KHDRBS3: variants seen among roughly 807,000 people sequenced by gnomAD.
The protein encoded by KHDRBS3 is KH RNA binding domain containing, signal transduction associated 3, also known as KH domain-containing, RNA-binding, signal transduction-associated protein 3.
In KHDRBS3, 23 loss-of-function variants were observed where a neutral mutation model predicts 45.6. The ratio of observed to expected loss-of-function variants is 0.50; its 90% CI spans 0.36 to 0.72. The LOEUF is 0.72. Ranked by LOEUF, KHDRBS3 falls within the 30% of genes least tolerant of loss-of-function variation. KHDRBS3 has a pLI of 0.00. For synonymous variants in KHDRBS3, 162 were observed against 156.5 expected (o/e 1.04, Z -0.26); for missense variants, 352 against 424.8 (o/e 0.83, Z 1.51).
At chr8:135,611,395 C>G (rs1033135132) in intron 7 of KHDRBS3, among the ~76,000 whole-genome samples, 7 of 151,934 alleles carry the variant, frequency 4.6e-5, no homozygotes, top group African/African-American at 1.5e-4. Context: ...ATCTTTTCCA[C>G]TACAGCACTC....
chr8:135,581,772 A>G, intron 5 of KHDRBS3, 106 bp from the exon 6 acceptor site: 1 of 948,146 alleles, frequency 1.1e-6, no homozygotes, highest in Non-Finnish European at 1.5e-6. Context: ...CTTCCTTTTT[A>G]CAAAAATATA....
downstream of KHDRBS3, among the ~76,000 whole-genome samples, chr8:135,650,232 C>A (rs1166109363): frequency 6.6e-6 from 1 of 152,076 alleles, no homozygotes; most frequent in African/African-American, 2.4e-5. Flanking sequence ...AGGTGACAGC[C>A]CCATGACACA....
intron 7 of KHDRBS3, among the ~76,000 whole-genome samples, chr8:135,643,415 G>T (rs1041899048): frequency 1.3e-5 from 2 of 152,184 alleles, no homozygotes; most frequent in Admixed American, 1.3e-4. Flanking sequence ...AGGGCATGCT[G>T]TCGTGGGAAA....
intron 7 of KHDRBS3, among the ~76,000 whole-genome samples, chr8:135,631,950 C>T (rs377424738): frequency 4.6e-5 from 7 of 152,166 alleles, no homozygotes; most frequent in African/African-American, 7.2e-5. Flanking sequence ...GATGCTACCA[C>T]GGCTACAGCG....
At chr8:135,541,903 G>T (rs943575981) in intron 2 of KHDRBS3, 1 of 152,072 alleles carries the variant, frequency 6.6e-6, no homozygotes, top group African/African-American at 2.4e-5. Context: ...ATGAAGGTAG[G>T]TCTTGTTGTC....
chr8:135,616,474 A>G (rs1380733899), intron 7 of KHDRBS3, among the ~76,000 whole-genome samples: 2 of 152,198 alleles, frequency 1.3e-5, no homozygotes. Flanking sequence ...TTACTCTTTA[A>G]TGTTCTTGAG....
At chr8:135,576,977 G>T (rs1368880798) in intron 5 of KHDRBS3, among the ~76,000 whole-genome samples, 1 of 151,908 alleles carries the variant, frequency 6.6e-6, no homozygotes, top group Non-Finnish European at 1.5e-5. Context: ...TGAGAAACTG[G>T]CTCCCACCAT....
chr8:135,485,842 T>TTATATATATATATATATATA (rs34886021), intron 1 of KHDRBS3, among the ~76,000 whole-genome samples: 1,355 of 119,874 alleles, frequency 0.011, 17 homozygotes, highest in Non-Finnish European at 0.014. Context: ...CATTTCAAGT[T>TTATATATATATATATATATA]TATATATATA....
At chr8:135,496,071 C>T (rs1462507225) in intron 1 of KHDRBS3, among the ~76,000 whole-genome samples, 2 of 149,232 alleles carry the variant, frequency 1.3e-5, no homozygotes, top group African/African-American at 5.0e-5. Flanking sequence ...AGATAGAGCA[C>T]ACTGAATCCT....
intron 7 of KHDRBS3, among the ~76,000 whole-genome samples, chr8:135,632,371 C>G (rs1830640710): frequency 6.6e-6 from 1 of 152,052 alleles, no homozygotes; most frequent in African/African-American, 2.4e-5. Flanking sequence ...TTCTTGCCCT[C>G]TGCATTCTGG....
chr8:135,502,995 G>A (rs1823808925), intron 1 of KHDRBS3, among the ~76,000 whole-genome samples: 2 of 152,150 alleles, frequency 1.3e-5, no homozygotes, highest in African/African-American at 4.8e-5. Flanking sequence ...CACTAGCCAC[G>A]CATGTGGCCA....
At chr8:135,641,260 T>C (rs538848421) in intron 7 of KHDRBS3, among the ~76,000 whole-genome samples, 10 of 152,240 alleles carry the variant, frequency 6.6e-5, no homozygotes, top group Admixed American at 2.0e-4. Context: ...CTTCATTTAA[T>C]AAAGGAGGTT....
chr8:135,494,749 C>A (rs1823347027), intron 1 of KHDRBS3, among the ~76,000 whole-genome samples: 1 of 152,182 alleles, frequency 6.6e-6, no homozygotes, highest in Admixed American at 6.5e-5. Flanking sequence ...TAGGCTAAAT[C>A]TTCCATAGTG....
chr8:135,608,654 C>T (rs6980778), intron 7 of KHDRBS3, among the ~76,000 whole-genome samples: 1 of 152,100 alleles, frequency 6.6e-6, no homozygotes, highest in African/African-American at 2.4e-5. Context: ...GTTCTGTTCC[C>T]GTATCTGTTA....
At chr8:135,576,235 T>C (rs1285179185) in intron 5 of KHDRBS3, among the ~76,000 whole-genome samples, 1 of 152,212 alleles carries the variant, frequency 6.6e-6, no homozygotes, top group Non-Finnish European at 1.5e-5. Context: ...TTCTCCACTG[T>C]CGAATTCCTC....
chr8:135,513,442 C>A (rs190176713), intron 1 of KHDRBS3, among the ~76,000 whole-genome samples: 32 of 152,234 alleles, frequency 2.1e-4, no homozygotes, highest in African/African-American at 7.5e-4. Context: ...TTCTACATTT[C>A]TTTGATGAGG....
intron 6 of KHDRBS3, among the ~76,000 whole-genome samples, chr8:135,592,985 G>T (rs2130969982): frequency 6.6e-6 from 1 of 152,182 alleles, no homozygotes; most frequent in East Asian, 1.9e-4. Context: ...GTTTGCTTGA[G>T]GCCAGGAGTT....
intron 2 of KHDRBS3, among the ~76,000 whole-genome samples, chr8:135,532,879 G>T (rs949115156): frequency 2.0e-5 from 3 of 152,026 alleles, no homozygotes; most frequent in Non-Finnish European, 4.4e-5. Flanking sequence ...AGTGAAAGGG[G>T]CTATTCCACA....
chr8:135,645,190 G>A (rs1016403250), intron 8 of KHDRBS3, 73 bp downstream of exon 8: 2 of 1,484,396 alleles, frequency 1.3e-6, no homozygotes, highest in Admixed American at 1.7e-5. Context: ...GATATTAATG[G>A]GAAGAGAATA....
Sources: allele counts gnomAD v4.1 joint callset (sites outside exome capture counted in the v4.1 genomes callset), GRCh38; gene constraint gnomAD v4.1.1; transcripts MANE v1.5; gene names NCBI Gene and HGNC (gene_info 2026-07-23, HGNC 2026-07-21).